Variants in NEBL observed in about 807,000 individuals in gnomAD.
The protein encoded by NEBL is nebulette.
A neutral mutation model predicts 140.2 loss-of-function variants in NEBL; 122 were observed. The ratio of observed to expected loss-of-function variants is 0.87; its 90% CI spans 0.75 to 1.01. The LOEUF (loss-of-function observed/expected upper bound fraction) is 1.01, where lower values mean the gene tolerates loss of function less well. Ranked by LOEUF, NEBL falls within the 50% of genes least tolerant of loss-of-function variation. The pLI, the probability that NEBL is intolerant of heterozygous loss-of-function variation, is 0.00. For synonymous variants in NEBL, 436 were observed against 398.9 expected, an observed-to-expected ratio of 1.09 and a Z score of -1.11; for missense variants, 1,365 against 1,231.3, an observed-to-expected ratio of 1.11 and a Z score of -1.62.
At chr10:20,870,714 T>C (rs542164861) in intron 5 of NEBL, among the ~76,000 whole-genome samples, 1 of 152,322 alleles carries the variant, frequency 6.6e-6, no homozygotes, top group African/African-American at 2.4e-5. Context: ...CCAATAAATA[T>C]CATTGGAATG....
chr10:21,143,866 G>T (rs79522691), intron 2 of NEBL, among the ~76,000 whole-genome samples: 248 of 121,550 alleles, frequency 2.0e-3, no homozygotes, highest in Non-Finnish European at 3.7e-3. Flanking sequence ...GACAAGAAAA[G>T]AAAAAAAAAA....
chr10:20,838,301 G>A (rs546441401), intron 13 of NEBL, among the ~76,000 whole-genome samples: 63 of 152,280 alleles, frequency 4.1e-4, no homozygotes, highest in African/African-American at 1.5e-3. Context: ...CAACTCTCAT[G>A]GATGACTTTG....
intron 2 of NEBL, among the ~76,000 whole-genome samples, chr10:21,054,483 G>GAACA (rs1430285073): frequency 6.6e-6 from 1 of 152,082 alleles, no homozygotes; most frequent in East Asian, 1.9e-4. Context: ...ACTGCCTCTC[G>GAACA]GACAGGCATC....
At chr10:20,835,651 C>T (rs1840811502) in intron 13 of NEBL, 28 bp from the exon 14 acceptor site, 2 of 1,487,530 alleles carry the variant, frequency 1.3e-6, no homozygotes, top group Non-Finnish European at 1.9e-6. Context: ...TTACAACATT[C>T]AAACACTCAG....
intron 3 of NEBL, among the ~76,000 whole-genome samples, chr10:21,199,918 CAG>C (rs1841706776): frequency 6.6e-6 from 1 of 152,042 alleles, no homozygotes; most frequent in South Asian, 2.1e-4. Flanking sequence ...TTATTGAACA[CAG>C]AGCTGGGGAG....
upstream of NEBL, among the ~76,000 whole-genome samples, chr10:20,897,874 A>G (rs895293423): frequency 2.0e-5 from 3 of 152,194 alleles, no homozygotes; most frequent in African/African-American, 7.2e-5. Flanking sequence ...GTTAATTATG[A>G]CTGTTAGTAT....
At chr10:21,076,444 CAAAAAAAAAAAA>C (rs56013237) in intron 2 of NEBL, among the ~76,000 whole-genome samples, 2,262 of 50,162 alleles carry the variant, frequency 0.045, 59 homozygotes, top group African/African-American at 0.13. Flanking sequence ...GACTCAGTTT[CAAAAAAAAAAAA>C]AAAAAAAAAA....
intron 2 of NEBL, chr10:21,030,357 GTCAA>G: frequency 1.6e-6 from 1 of 616,814 alleles, no homozygotes; most frequent in Non-Finnish European, 3.0e-6. Context: ...CCCGGCAAAA[GTCAA>G]TCAGACCAGG....
chr10:20,873,297 C>T (rs1005515527), intron 5 of NEBL, among the ~76,000 whole-genome samples: 3 of 152,186 alleles, frequency 2.0e-5, no homozygotes, highest in African/African-American at 7.2e-5. Context: ...TCAGTCTTCT[C>T]ATGACAATGT....
intron 11 of NEBL, among the ~76,000 whole-genome samples, chr10:20,847,008 C>T (rs1230505789): frequency 2.0e-5 from 3 of 152,048 alleles, no homozygotes; most frequent in Non-Finnish European, 4.4e-5. Context: ...TAATTATAGG[C>T]CATAGCAAAG....
At chr10:20,793,552 C>A (rs532966689) in intron 26 of NEBL, among the ~76,000 whole-genome samples, 2 of 149,312 alleles carry the variant, frequency 1.3e-5, no homozygotes, top group Non-Finnish European at 3.0e-5. Context: ...TTCTTTCTTT[C>A]TTTTCTTTTT....
intron 2 of NEBL, among the ~76,000 whole-genome samples, chr10:21,158,173 T>C (rs1355006116): frequency 6.6e-6 from 1 of 152,208 alleles, no homozygotes; most frequent in Non-Finnish European, 1.5e-5. Context: ...TTACAAACCA[T>C]TCTGCACTCA....
chr10:21,165,620 G>A (rs972701702), intron 2 of NEBL, among the ~76,000 whole-genome samples: 12 of 152,178 alleles, frequency 7.9e-5, no homozygotes, highest in Admixed American at 1.3e-4. Context: ...CACCCTGGAC[G>A]TGCCCAATCT....
rs1837136700 is a variant in NEBL, at chr10:21,095,345, A to G, written c.165-75144T>C. ...CTAAGAAAAGCAGATAAAAGATAAG[A>G]CGAACATGGTCAGAGTGATGACCGT... is the stretch of plus-strand genomic sequence containing the variant. On this transcript the variant is annotated intron_variant, in intron 2 of 6. Transcript: ENST00000417816. 2.0e-5 allele frequency among the ~76,000 whole-genome samples: 3 copies of G among 152,192 alleles called. No homozygotes were observed. The South Asian group carries it at 6.2e-4, about 32-fold the overall frequency.
chr10:21,286,700 G>A (rs1183144992), intron 1 of NEBL, among the ~76,000 whole-genome samples: 1 of 152,190 alleles, frequency 6.6e-6, no homozygotes, highest in African/African-American at 2.4e-5. Flanking sequence ...CAGGCGTGGT[G>A]GTGGGCACCT....
intron 14 of NEBL, among the ~76,000 whole-genome samples, chr10:20,834,853 A>G (rs1214021355): frequency 6.6e-6 from 1 of 152,232 alleles, no homozygotes; most frequent in Non-Finnish European, 1.5e-5. Context: ...TTTGAAAAAT[A>G]TGCATATGGT....
intron 3 of NEBL, among the ~76,000 whole-genome samples, chr10:21,234,618 G>C (rs117537328): frequency 1.3e-5 from 2 of 152,200 alleles, no homozygotes; most frequent in East Asian, 3.9e-4. Flanking sequence ...GCTTTCCATT[G>C]AGCAGTGACG....
chr10:20,986,534 T>C (rs990956441), intron 3 of NEBL, among the ~76,000 whole-genome samples: 3 of 152,198 alleles, frequency 2.0e-5, no homozygotes, highest in African/African-American at 7.2e-5. Flanking sequence ...TGTTCCTAAA[T>C]AATGGCTAAA....
intron 1 of NEBL, among the ~76,000 whole-genome samples, chr10:21,286,727 G>A (rs142971421): frequency 0.012 from 1,859 of 152,192 alleles, 17 homozygotes; most frequent in Admixed American, 0.025. Context: ...CCAGTTACTC[G>A]GGAGGCTGAG....
Sources: allele counts gnomAD v4.1 joint callset (sites outside exome capture counted in the v4.1 genomes callset), GRCh38; gene constraint gnomAD v4.1.1; transcripts MANE v1.5; gene names NCBI Gene and HGNC (gene_info 2026-07-23, HGNC 2026-07-21).